Variants in GNA12 observed in about 807,000 individuals in gnomAD.
GNA12 encodes the protein G protein subunit alpha 12, also known as guanine nucleotide-binding protein subunit alpha-12.
In GNA12, 9 loss-of-function variants were observed where a neutral mutation model predicts 26.0. The observed-to-expected ratio is 0.35, with a 90% CI of 0.21 to 0.60. GNA12 has a LOEUF of 0.60. Among genes scored for constraint, GNA12 ranks in the 20% least tolerant of loss-of-function variants. The pLI, the probability that GNA12 is intolerant of heterozygous loss-of-function variation, is 0.78. For synonymous variants in GNA12, 264 were observed against 219.6 expected, an observed-to-expected ratio of 1.20 and a Z score of -1.79; for missense variants, 405 against 525.8, an observed-to-expected ratio of 0.77 and a Z score of 2.25.
intron 2 of GNA12, among the ~76,000 whole-genome samples, chr7:2,761,872 A>G (rs1198172348): frequency 1.3e-5 from 2 of 152,200 alleles, no homozygotes; most frequent in African/African-American, 2.4e-5. Context: ...ACAACGTAAA[A>G]TTCGGCTTCC....
chr7:2,820,124 C>T (rs771591508), intron 1 of GNA12, among the ~76,000 whole-genome samples: 1 of 152,198 alleles, frequency 6.6e-6, no homozygotes, highest in African/African-American at 2.4e-5. Context: ...AGACAACATA[C>T]TGTATGATTC....
intron 2 of GNA12, among the ~76,000 whole-genome samples, chr7:2,741,796 C>A (rs1388933358): frequency 6.6e-6 from 1 of 151,328 alleles, no homozygotes; most frequent in Non-Finnish European, 1.5e-5. Context: ...CTTCTACAAC[C>A]ACGGCAACTT....
intron 1 of GNA12, among the ~76,000 whole-genome samples, chr7:2,796,985 T>C (rs1792692735): frequency 6.6e-6 from 1 of 152,154 alleles, no homozygotes; most frequent in Non-Finnish European, 1.5e-5. Context: ...ACTGGGGGTA[T>C]ACAGAGTGGT....
chr7:2,762,814 C>G lies in GNA12; in HGVS notation c.526-29313G>C. On this transcript the variant is annotated intron_variant, in intron 2 of 3. Coordinates refer to ENST00000275364, the MANE Select transcript of GNA12 (RefSeq NM_007353.3). Reference sequence around the variant, plus strand: ...GAGGAGGAGCACTCAGGGCGGCCTCCCATCCGCCACACACCCAGTCAGCGC... The same window carrying G: ...GAGGAGGAGCACTCAGGGCGGCCTCGCATCCGCCACACACCCAGTCAGCGC... 4 of 1,526,566 alleles carry G rather than the reference C, an allele frequency of 2.6e-6. No homozygotes were observed. The South Asian group carries it at 5.0e-5, about 19-fold the overall frequency. 94.6% of individuals were successfully genotyped at this position (1,526,566 alleles called of 1,614,324 possible).
Position 2,737,269 on chromosome 7 carries a change from G to GTT in GNA12, c.526-3770_526-3769dup, listed in dbSNP as rs1317020597. ...CATTCAGGAGCTATCTCACAGTTTT[G>GTT]TTTTGTTTTTTTTTTTTTTGTTTTT... On this transcript the variant is annotated intron_variant, in intron 2 of 3. Coordinates refer to ENST00000275364, the MANE Select transcript of GNA12 (RefSeq NM_007353.3). Among the ~76,000 whole-genome samples, 231 of 38,108 alleles carry GTT rather than the reference G, an allele frequency of 6.1e-3. 14 individuals carry two copies. Among genetic ancestry groups the GTT allele is most frequent in the East Asian group, 1.0e-2 (10 of 1,004 alleles). The allele number at this position is 38,108 out of a possible 152,430, so 25.0% of individuals were successfully genotyped here. A position where few individuals can be genotyped will look rare whatever the true frequency, so the allele number is the denominator to read the frequency against.
intron 2 of GNA12, among the ~76,000 whole-genome samples, chr7:2,777,880 C>A (rs1792117740): frequency 6.6e-6 from 1 of 152,214 alleles, no homozygotes; most frequent in Admixed American, 6.5e-5. Context: ...TGTTTCTAAA[C>A]CTTGAACTCA....
intron 1 of GNA12, among the ~76,000 whole-genome samples, chr7:2,842,459 C>G (rs1047981896): frequency 1.3e-5 from 2 of 152,140 alleles, no homozygotes; most frequent in African/African-American, 4.8e-5. Flanking sequence ...CCACCATGCC[C>G]AACTAATGTG....
At chr7:2,793,681 G>C (rs1352062554) in intron 2 of GNA12, among the ~76,000 whole-genome samples, 1 of 151,930 alleles carries the variant, frequency 6.6e-6, no homozygotes, top group African/African-American at 2.4e-5. Flanking sequence ...CCAGGAGTTC[G>C]AGACCAGCCT....
chr7:2,750,440 G>A (rs1324474683), intron 2 of GNA12, among the ~76,000 whole-genome samples: 1 of 152,228 alleles, frequency 6.6e-6, no homozygotes, highest in Non-Finnish European at 1.5e-5. Context: ...AGACCTCAGT[G>A]GATGCCTGAA....
intron 2 of GNA12, among the ~76,000 whole-genome samples, chr7:2,767,716 A>C (rs1216341868): frequency 2.0e-5 from 3 of 152,248 alleles, no homozygotes; most frequent in South Asian, 4.1e-4. Flanking sequence ...TTTGGAATTC[A>C]GAAACTTTCA....
rs532271591 is a variant in GNA12 at position 2,729,678 on chromosome 7, G to C, written c.*1503C>G. 2.0e-5 allele frequency: 3 copies of C among 152,442 alleles called. No homozygotes were observed. The highest frequency in any genetic ancestry group is 7.2e-5 in the African/African-American group (3 of 41,556). 9.4% of individuals were successfully genotyped at this position (152,442 alleles called of 1,614,324 possible). Reference sequence around the variant, plus strand: ...TCGGGGCTCGGGGCAGCACGGCCTCGGGACGAGGGCCCTGGGATATGTGAC... The same window carrying C: ...TCGGGGCTCGGGGCAGCACGGCCTCCGGACGAGGGCCCTGGGATATGTGAC... On this transcript the variant is annotated 3_prime_UTR_variant, in exon 4 of 4. Coordinates refer to ENST00000275364, the MANE Select transcript of GNA12 (RefSeq NM_007353.3).
intron 1 of GNA12, 25 bp downstream of exon 1, chr7:2,843,828 G>A (rs1259978257): frequency 4.3e-6 from 6 of 1,379,418 alleles, no homozygotes; most frequent in Non-Finnish European, 5.8e-6. Flanking sequence ...CTGGGTGCAG[G>A]TGCTGGGCGG....
chr7:2,751,286 G>A (rs1791022980), intron 2 of GNA12, among the ~76,000 whole-genome samples: 1 of 151,930 alleles, frequency 6.6e-6, no homozygotes, highest in Admixed American at 6.6e-5. Context: ...CTCAGCAGGG[G>A]GAGCTGAGGT....
chr7:2,841,183 G>A (rs181527032), intron 1 of GNA12, among the ~76,000 whole-genome samples: 10 of 152,172 alleles, frequency 6.6e-5, no homozygotes, highest in East Asian at 3.9e-4. Flanking sequence ...ACGGAGTCTC[G>A]CTGAGTTGCC....
chr7:2,734,809 G>A (rs903617403), intron 2 of GNA12, among the ~76,000 whole-genome samples: 1 of 152,216 alleles, frequency 6.6e-6, no homozygotes, highest in East Asian at 1.9e-4. Context: ...TCTGTGGCAG[G>A]ACGGGGCGAG....
intron 3 of GNA12, among the ~76,000 whole-genome samples, chr7:2,732,433 C>G (rs1340461057): frequency 6.6e-6 from 1 of 152,146 alleles, no homozygotes; most frequent in African/African-American, 2.4e-5. Context: ...ATAGTCCCAG[C>G]TACTTGGGAG....
chr7:2,827,866 T>C (rs1387662061), intron 1 of GNA12, among the ~76,000 whole-genome samples: 1 of 152,236 alleles, frequency 6.6e-6, no homozygotes, highest in Non-Finnish European at 1.5e-5. Flanking sequence ...TCTTTTAACC[T>C]ACTTCAAAAA....
intron 2 of GNA12, among the ~76,000 whole-genome samples, chr7:2,745,405 T>A (rs1384068124): frequency 6.6e-6 from 1 of 152,206 alleles, no homozygotes; most frequent in Non-Finnish European, 1.5e-5. Context: ...CAGAATTTCA[T>A]ATCCAGCCAA....
intron 2 of GNA12, among the ~76,000 whole-genome samples, chr7:2,793,821 GC>G (rs2115455603): frequency 6.8e-6 from 1 of 147,408 alleles, no homozygotes; most frequent in Non-Finnish European, 1.5e-5. Flanking sequence ...GGTGGAGGTT[GC>G]AGTGAGCTGA....
Sources: allele counts gnomAD v4.1 joint callset (sites outside exome capture counted in the v4.1 genomes callset), GRCh38; gene constraint gnomAD v4.1.1; transcripts MANE v1.5; gene names NCBI Gene and HGNC (gene_info 2026-07-23, HGNC 2026-07-21).